RBFOX1: variants seen among roughly 807,000 people sequenced by gnomAD.
The protein encoded by RBFOX1 is RNA binding fox-1 homolog 1, also known as RNA binding protein fox-1 homolog 1.
RBFOX1 carries 8 observed loss-of-function variants against 57.7 expected under a neutral mutation model. That is an observed-to-expected ratio of 0.14 (90% CI 0.08 to 0.25). The LOEUF (loss-of-function observed/expected upper bound fraction) is 0.25. Among genes scored for constraint, RBFOX1 ranks in the 10% least tolerant of loss-of-function variants. RBFOX1 has a pLI of 1.00. For synonymous variants in RBFOX1, 326 were observed against 222.4 expected (o/e 1.47, Z -4.15); for missense variants, 611 against 548.5 (o/e 1.11, Z -1.14).
Position 5,819,820 on chromosome 16 carries a change from G to A in RBFOX1, c.319-47483G>A, listed in dbSNP as rs574570997. 4.6e-5 allele frequency among the ~76,000 whole-genome samples: 7 copies of A among 152,258 alleles called. No individual in the cohort carries two copies. In the South Asian group the frequency reaches 6.2e-4, roughly 14 times the overall value. ...ACATGCTAGATCATGCCCTAGGCAG[G>A]CCCTGGAGCCCCAGAAATGATGGAT... On this transcript the variant is annotated intron_variant, in intron 3 of 19. Coordinates refer to the RBFOX1 transcript ENST00000641259.
chr16:7,233,895 C>T lies in RBFOX1; in HGVS notation c.27+181797C>T, dbSNP rs556395138. On this transcript the variant is annotated intron_variant, in intron 4 of 15. Coordinates refer to ENST00000550418, the MANE Select transcript of RBFOX1 (RefSeq NM_018723.4). ...AGCCAAAAAGTCAATCACCACTCAA[C>T]GAGAGCTACTCTGACTCTTTGGCCA... 1.3e-3 allele frequency among the ~76,000 whole-genome samples: 195 copies of T among 152,326 alleles called. 1 individual carries two copies. The highest frequency in any genetic ancestry group is 6.8e-3 in the Middle Eastern group (2 of 294).
At chr16:5,818,806 G>A (rs922954433) in intron 3 of RBFOX1, among the ~76,000 whole-genome samples, 2 of 152,170 alleles carry the variant, frequency 1.3e-5, no homozygotes, top group African/African-American at 4.8e-5. Flanking sequence ...TGTCCATTAT[G>A]TTCTATGCAT....
At chr16:6,474,251 A>G (rs1398048852) in intron 2 of RBFOX1, among the ~76,000 whole-genome samples, 1 of 152,164 alleles carries the variant, frequency 6.6e-6, no homozygotes, top group East Asian at 1.9e-4. Flanking sequence ...CTTTAATCCC[A>G]TTTCGATGTG....
chr16:5,430,198 A>T (rs1431079390), intron 1 of RBFOX1, among the ~76,000 whole-genome samples: 1 of 152,144 alleles, frequency 6.6e-6, no homozygotes, highest in Admixed American at 6.5e-5. Flanking sequence ...GGTCGATGGC[A>T]AGCAGATAAT....
At chr16:5,730,268 C>T (rs2052315749) in intron 3 of RBFOX1, among the ~76,000 whole-genome samples, 1 of 152,130 alleles carries the variant, frequency 6.6e-6, no homozygotes, top group African/African-American at 2.4e-5. Flanking sequence ...ATGTCCATAC[C>T]TGATCCTTGG....
At chr16:7,706,391 A>G (rs2082449787) in intron 14 of RBFOX1, among the ~76,000 whole-genome samples, 1 of 152,168 alleles carries the variant, frequency 6.6e-6, no homozygotes, top group Admixed American at 6.5e-5. Flanking sequence ...GGAAGAGAAT[A>G]CTGCCAAATT....
intron 3 of RBFOX1, among the ~76,000 whole-genome samples, chr16:6,822,438 C>G (rs895739171): frequency 2.6e-5 from 4 of 152,196 alleles, no homozygotes; most frequent in African/African-American, 9.6e-5. Context: ...TCATTGCTAA[C>G]TTGTAACTTG....
intron 2 of RBFOX1, among the ~76,000 whole-genome samples, chr16:6,395,648 T>C (rs2092798460): frequency 6.6e-6 from 1 of 152,180 alleles, no homozygotes; most frequent in Non-Finnish European, 1.5e-5. Flanking sequence ...GGGAAATAAA[T>C]ATTGTAGTGT....
At chr16:6,205,615 T>C (rs954514354) in intron 1 of RBFOX1, among the ~76,000 whole-genome samples, 11 of 152,160 alleles carry the variant, frequency 7.2e-5, no homozygotes, top group Admixed American at 5.2e-4. Context: ...TGATCTGGCA[T>C]TGACGGTAAA....
chr16:5,832,759 A>G (rs2056324101), intron 3 of RBFOX1, among the ~76,000 whole-genome samples: 2 of 152,350 alleles, frequency 1.3e-5, no homozygotes, highest in South Asian at 4.1e-4. Flanking sequence ...TGAGTCTTAG[A>G]GCCAGAGTGA....
Position 7,064,389 on chromosome 16 carries a change from G to C in RBFOX1, c.27+12291G>C, listed in dbSNP as rs944817174. ...TCACCATGTTGCCCAGGCTGGTCTT[G>C]AACCCCTGACCTCAGGTGAGCTGCC... On this transcript the variant is annotated intron_variant, in intron 4 of 15. Transcript: ENST00000550418. Among the ~76,000 whole-genome samples, 16 of 152,004 alleles carry C rather than the reference G, an allele frequency of 1.1e-4. 1 individual carries two copies. The highest frequency in any genetic ancestry group is 3.3e-4 in the Admixed American group (5 of 15,252).
intron 3 of RBFOX1, among the ~76,000 whole-genome samples, chr16:6,976,509 A>C (rs1024730265): frequency 3.3e-5 from 5 of 152,070 alleles, no homozygotes; most frequent in African/African-American, 1.2e-4. Flanking sequence ...CACACCAGAA[A>C]GAATTTGGGG....
At chr16:7,473,653 A>G (rs1016132947) in intron 4 of RBFOX1, among the ~76,000 whole-genome samples, 36 of 151,898 alleles carry the variant, frequency 2.4e-4, no homozygotes, top group African/African-American at 8.7e-4. Flanking sequence ...TGTGCTTTAT[A>G]TGGCTAAATT....
At chr16:7,066,847 G>A (rs2056176459) in intron 4 of RBFOX1, among the ~76,000 whole-genome samples, 2 of 152,166 alleles carry the variant, frequency 1.3e-5, no homozygotes, top group Admixed American at 1.3e-4. Flanking sequence ...CCCAGCCAGT[G>A]AGTGGCAGAA....
intron 4 of RBFOX1, among the ~76,000 whole-genome samples, chr16:5,926,519 C>A (rs1481163036): frequency 6.6e-6 from 1 of 152,108 alleles, no homozygotes; most frequent in African/African-American, 2.4e-5. Context: ...TTATCCCATG[C>A]CAATGTGACT....
chr16:6,994,945 T>TTGTGTGTGTGTGTG lies in RBFOX1; in HGVS notation c.-15-57096_-15-57083dup, dbSNP rs145095044. Among the ~76,000 whole-genome samples, 1,298 of 148,076 alleles carry TTGTGTGTGTGTGTG rather than the reference T, an allele frequency of 8.8e-3. 12 individuals carry two copies. Among genetic ancestry groups the TTGTGTGTGTGTGTG allele is most frequent in the East Asian group, 0.032 (155 of 4,894 alleles). ...TTGGGCATGTGATTCTTGCATTATT[T>TTGTGTGTGTGTGTG]TGTGTGTGTGTGTGTGTGTGTGTGT... On this transcript the variant is annotated intron_variant, in intron 3 of 15. Transcript: ENST00000550418.
chr16:7,469,171 T>C lies in RBFOX1; in HGVS notation c.28-48976T>C, dbSNP rs2061088860. Among the ~76,000 whole-genome samples, 3 of 152,040 alleles carry C rather than the reference T, an allele frequency of 2.0e-5. No homozygotes were observed. The South Asian group carries it at 6.2e-4, about 32-fold the overall frequency. On this transcript the variant is annotated intron_variant, in intron 4 of 15. Coordinates refer to ENST00000550418, the MANE Select transcript of RBFOX1 (RefSeq NM_018723.4). ...GGATGGTCTCAATCTCCTGACCTCA[T>C]GATCTACCCGACTTGGCCTCCCAAA... is the stretch of plus-strand genomic sequence containing the variant.
At chr16:5,535,197 C>T (rs374288969) in intron 2 of RBFOX1, among the ~76,000 whole-genome samples, 1 of 152,180 alleles carries the variant, frequency 6.6e-6, no homozygotes, top group East Asian at 1.9e-4. Context: ...ACAGTAGCCA[C>T]ATTTCAAGTG....
At position 6,970,918 on chromosome 16, in the gene RBFOX1, C is replaced by T. The variant is rs150696872; in HGVS notation, c.-15-81139C>T. On this transcript the variant is annotated intron_variant, in intron 3 of 15. Coordinates refer to ENST00000550418, the MANE Select transcript of RBFOX1 (RefSeq NM_018723.4). ...CAAAGACCTTTGTGCTGTGCTGTTC[C>T]ATTTGTCTGAAACACATGCACACAG... Among the ~76,000 whole-genome samples the T allele has an allele frequency of 1.2e-3, 184 of 152,264 alleles. 5 individuals are homozygous for T. In the East Asian group the frequency reaches 0.034, roughly 29 times the overall value.
Sources: gnomAD v4.1 joint callset for allele counts (sites outside exome capture counted in the v4.1 genomes callset) on GRCh38, gnomAD v4.1.1 for gene constraint, MANE v1.5 for transcripts, NCBI Gene and HGNC (gene_info 2026-07-23, HGNC 2026-07-21) for gene names.